Variants in LGMN observed in about 807,000 individuals in gnomAD.
LGMN encodes asparaginyl endopeptidase.
In LGMN, 36 loss-of-function variants were observed where a neutral mutation model predicts 56.8. The ratio of observed to expected loss-of-function variants is 0.63; its 90% confidence interval spans 0.49 to 0.84. LGMN has a LOEUF of 0.84. LGMN is among the 40% of genes least tolerant of loss of function. LGMN has a pLI of 0.00. For missense variants in LGMN, 446 were observed against 556.1 expected (o/e 0.80, Z 1.99); for synonymous variants, 199 against 210.1 (o/e 0.95, Z 0.46).
At chr14:92,747,164 TTTCTC>T (rs1269686777) in intron 1 of LGMN, among the ~76,000 whole-genome samples, 2 of 152,132 alleles carry the variant, frequency 1.3e-5, no homozygotes, top group African/African-American at 2.4e-5. Flanking sequence ...ATGAAACACT[TTTCTC>T]TTCCTTCATC....
At chr14:92,704,514 G>A in intron 13 of LGMN, 126 bp downstream of exon 13, 1 of 1,069,344 alleles carries the variant, frequency 9.4e-7, no homozygotes, top group Non-Finnish European at 1.4e-6. Context: ...CTGACAAATG[G>A]CTGTAGAGGA....
At chr14:92,725,387 A>T (rs1276377954) in intron 2 of LGMN, among the ~76,000 whole-genome samples, 3 of 151,722 alleles carry the variant, frequency 2.0e-5, no homozygotes, top group Admixed American at 6.6e-5. Context: ...CATCTCTATA[A>T]AAAAAAATTT....
intron 11 of LGMN, among the ~76,000 whole-genome samples, chr14:92,707,976 ACC>A (rs771359346): frequency 8.6e-5 from 13 of 151,958 alleles, no homozygotes; most frequent in Non-Finnish European, 1.5e-4. Context: ...ACGTGGTGAA[ACC>A]CCGTCTCTAC....
chr14:92,706,421 G>T, intron 12 of LGMN, 62 bp downstream of exon 12: 1 of 1,354,294 alleles, frequency 7.4e-7, no homozygotes, highest in Non-Finnish European at 9.9e-7. Context: ...CAATGTGACT[G>T]CCAGGGGACA....
At chr14:92,742,506 C>T (rs1396139521) in intron 1 of LGMN, among the ~76,000 whole-genome samples, 2 of 151,914 alleles carry the variant, frequency 1.3e-5, no homozygotes, top group South Asian at 2.1e-4. Flanking sequence ...AGGCTGGTCT[C>T]GAGTTCCTGG....
chr14:92,717,254 C>T (rs1169162232), intron 4 of LGMN, 126 bp downstream of exon 4: 5 of 587,824 alleles, frequency 8.5e-6, no homozygotes, highest in Admixed American at 2.6e-5. Flanking sequence ...AATCCTAATA[C>T]GAATGTGAAA....
chr14:92,744,320 A>G (rs1341255231), intron 1 of LGMN, among the ~76,000 whole-genome samples: 2 of 152,194 alleles, frequency 1.3e-5, no homozygotes, highest in African/African-American at 2.4e-5. Flanking sequence ...ATAATTCTGC[A>G]TACTATGGGT....
At position 92,740,909 on chromosome 14, in the gene LGMN, G is replaced by A. The variant is rs577548697; in HGVS notation, c.-30+7580C>T. Among the ~76,000 whole-genome samples the A allele has an allele frequency of 1.2e-4, 18 of 152,198 alleles. No homozygotes were observed. In the East Asian group the frequency reaches 2.9e-3, roughly 25 times the overall value. ...CACTTAAAAGACTTCACTTGGGGCC[G>A]GGTGCAGTGGCTCATGCCTGTAATC... On this transcript the variant is annotated intron_variant, in intron 1 of 13. Transcript: ENST00000334869.
chr14:92,745,235 C>T (rs942516868), intron 1 of LGMN, among the ~76,000 whole-genome samples: 6 of 152,224 alleles, frequency 3.9e-5, no homozygotes, highest in African/African-American at 1.4e-4. Flanking sequence ...AGTTTTCTTT[C>T]ACCCAACTTA....
intron 2 of LGMN, among the ~76,000 whole-genome samples, chr14:92,729,895 C>T (rs553966474): frequency 6.6e-5 from 10 of 152,282 alleles, no homozygotes; most frequent in South Asian, 4.1e-4. Flanking sequence ...TACTCGGGGA[C>T]GAATATTTCA....
intron 1 of LGMN, among the ~76,000 whole-genome samples, chr14:92,736,448 T>C (rs1456846847): frequency 1.3e-5 from 2 of 151,940 alleles, no homozygotes; most frequent in Non-Finnish European, 2.9e-5. Context: ...ATACAAAATT[T>C]AGCTGGGCGT....
rs1891918758 is a variant in LGMN, at chr14:92,748,592, A to T, written c.-133T>A. ...AGAACTCGCGGCGGCTCGCAGCCTC[A>T]CACCAAACACCCACGACGTCGGCAC... On this transcript the variant is annotated 5_prime_UTR_variant, in exon 1 of 14. Coordinates refer to ENST00000334869, the MANE Select transcript of LGMN (RefSeq NM_005606.7). 1 of 153,460 alleles carries T rather than the reference A, an allele frequency of 6.5e-6. No individual in the cohort carries two copies. The highest frequency in any genetic ancestry group is 1.5e-5 in the Non-Finnish European group (1 of 68,318). 9.5% of individuals were successfully genotyped at this position (153,460 alleles called of 1,614,324 possible). A position where few individuals can be genotyped will look rare whatever the true frequency, so the allele number is the denominator to read the frequency against.
At chr14:92,741,498 G>A (rs542836240) in intron 1 of LGMN, 1 of 152,296 alleles carries the variant, frequency 6.6e-6, no homozygotes, top group East Asian at 1.9e-4. Context: ...AATCTGTAAA[G>A]AGCCTTCCAA....
chr14:92,732,973 A>G (rs374414613), intron 1 of LGMN, among the ~76,000 whole-genome samples, 158 bp from the exon 2 acceptor site: 19 of 152,084 alleles, frequency 1.2e-4, no homozygotes, highest in African/African-American at 4.3e-4. Flanking sequence ...ACATGGAGAG[A>G]CCTCATCTCT....
intron 2 of LGMN, among the ~76,000 whole-genome samples, chr14:92,719,177 CCACCAT>C (rs1379908091): frequency 1.1e-4 from 13 of 122,852 alleles, no homozygotes; most frequent in African/African-American, 2.1e-4. Context: ...ACCACCACCA[CCACCAT>C]CACCACCACC....
chr14:92,729,127 CTTTTTTTTTTTT>C (rs55843490), intron 2 of LGMN, among the ~76,000 whole-genome samples: 1 of 110,122 alleles, frequency 9.1e-6, no homozygotes, highest in Admixed American at 1.0e-4. Context: ...CTCAGCTTTT[CTTTTTTTTTTTT>C]TTTTTTTTTG....
At chr14:92,719,263 A>ACCGCCGCCACCGCCGCCG (rs1890286862) in intron 2 of LGMN, among the ~76,000 whole-genome samples, 19 of 65,116 alleles carry the variant, frequency 2.9e-4, no homozygotes, top group Non-Finnish European at 5.0e-4. Context: ...CACCACCGCC[A>ACCGCCGCCACCGCCGCCG]CCGCCGCCGC....
chr14:92,731,606 G>T (rs968840768), intron 2 of LGMN, among the ~76,000 whole-genome samples: 5 of 152,242 alleles, frequency 3.3e-5, no homozygotes, highest in African/African-American at 1.2e-4. Flanking sequence ...GTTCACCCAT[G>T]TTGAAGCATG....
Position 92,706,627 on chromosome 14 carries a change from C to T in LGMN, c.1047G>A (p.Val349=). 1 of 1,593,978 alleles carries T rather than the reference C, an allele frequency of 6.3e-7. No homozygotes were observed. The highest frequency in any genetic ancestry group is 8.6e-7 in the Non-Finnish European group (1 of 1,164,080). The change falls in exon 12 of 14, where the codon GTG becomes GTA. Residue 349 remains valine (V), a synonymous_variant. Transcript: ENST00000334869. ...LDARHLIEKS[V]RKIVSLLAAS... is the part of the protein sequence containing the mutation. The stretch of plus-strand genomic sequence containing the variant: ...CTGCCAGCAAGGAGACGATCTTACG[C>T]ACTGACTTCTCAATGAGGTGCCTGG...
Sources: allele counts gnomAD v4.1 joint callset (sites outside exome capture counted in the v4.1 genomes callset), GRCh38; gene constraint gnomAD v4.1.1; transcripts MANE v1.5; gene names NCBI Gene and HGNC (gene_info 2026-07-23, HGNC 2026-07-21).